The following TSPAN16 variants were observed in gnomAD, a reference collection of about 807,000 sequenced individuals.
The protein encoded by TSPAN16 is tetraspanin 16, also known as tetraspanin-16.
TSPAN16 carries 23 observed loss-of-function variants against 25.2 expected under a neutral mutation model. The observed-to-expected ratio is 0.91, with a 90% CI of 0.66 to 1.29. The LOEUF (loss-of-function observed/expected upper bound fraction) is 1.29. TSPAN16 is among the 50% of genes most tolerant of loss of function. The pLI, the probability that TSPAN16 is intolerant of heterozygous loss-of-function variation, is 0.00. For synonymous variants in TSPAN16, 123 were observed against 124.4 expected (o/e 0.99, Z 0.08); for missense variants, 272 against 299.9 (o/e 0.91, Z 0.69).
At chr19:11,298,830 CT>C in intron 2 of TSPAN16, 41 bp from the exon 3 acceptor site, 1 of 1,585,256 alleles carries the variant, frequency 6.3e-7, no homozygotes, top group East Asian at 2.2e-5. Flanking sequence ...CGGGAGGAGG[CT>C]GAGCAGGCTC....
At chr19:11,299,806 C>G (rs1039805769) in intron 3 of TSPAN16, among the ~76,000 whole-genome samples, 5 of 151,898 alleles carry the variant, frequency 3.3e-5, no homozygotes, top group African/African-American at 1.2e-4. Flanking sequence ...AAAACCCCGT[C>G]TCTATTAAAA....
intron 1 of TSPAN16, among the ~76,000 whole-genome samples, 187 bp downstream of exon 1, chr19:11,296,553 C>G (rs770950851): frequency 6.6e-6 from 1 of 152,142 alleles, no homozygotes; most frequent in Non-Finnish European, 1.5e-5. Flanking sequence ...CAACCGAGAG[C>G]TGGTGAAATC....
At chr19:11,320,339 C>T (rs1405976041), downstream of TSPAN16, among the ~76,000 whole-genome samples, 1 of 151,992 alleles carries the variant, frequency 6.6e-6, no homozygotes, top group Non-Finnish European at 1.5e-5. Flanking sequence ...CCAGGCTGAT[C>T]TCAAACTCCT....
chr19:11,316,147 T>C (rs1167917285), downstream of TSPAN16, among the ~76,000 whole-genome samples: 1 of 144,858 alleles, frequency 6.9e-6, no homozygotes, highest in African/African-American at 2.6e-5. Context: ...TTTGAGAGAG[T>C]CTTGCTGTGT....
chr19:11,312,068 G>T, intron 5 of TSPAN16, 71 bp from the exon 6 acceptor site: 2 of 1,169,654 alleles, frequency 1.7e-6, no homozygotes, highest in East Asian at 2.4e-5. Context: ...CTAATGAGTT[G>T]GGGTTGATGG....
intron 6 of TSPAN16, chr19:11,326,727 C>T (rs769356816): frequency 1.7e-5 from 12 of 687,932 alleles, no homozygotes; most frequent in Non-Finnish European, 2.9e-5. Flanking sequence ...CCTTGGCCCC[C>T]TGAGTAGCTG....
At chr19:11,326,550 C>A (rs544864637) in intron 6 of TSPAN16, among the ~76,000 whole-genome samples, 6 of 152,326 alleles carry the variant, frequency 3.9e-5, no homozygotes, top group African/African-American at 1.4e-4. Flanking sequence ...CAGCTTCCAC[C>A]CAATTTCTGC....
rs549411781 is a variant in TSPAN16, at chr19:11,296,603, G to C, written c.69+237G>C. On this transcript the variant is annotated intron_variant, in intron 1 of 6. Coordinates refer to ENST00000590327, the MANE Select transcript of TSPAN16 (RefSeq NM_001282509.2). ...GTGATCTGGGGGAGCCCAGGTGGGTGATGGAAGAGCTTGGCTCTAAGTCAA... is the reference window on the plus strand; with the variant it reads ...GTGATCTGGGGGAGCCCAGGTGGGTCATGGAAGAGCTTGGCTCTAAGTCAA... 1.1e-3 allele frequency among the ~76,000 whole-genome samples: 163 copies of C among 152,354 alleles called. 2 individuals carry two copies. The highest frequency in any genetic ancestry group is 3.8e-3 in the African/African-American group (159 of 41,586).
Position 11,296,353 on chromosome 19 carries a change from A to G in TSPAN16, c.56A>G (p.Asn19Ser), listed in dbSNP as rs775010319. The change falls in exon 1 of 7, where the codon AAT (asparagine) becomes AGT (serine). Residue 19 changes from asparagine to serine, a missense_variant. Transcript: ENST00000590327. The stretch of plus-strand genomic sequence containing the variant: ...TTGAAGAAACTGTTATCTTTACTCA[A>G]TGGCTTCGTGGCTGTAAGTATGTCA... ...SSLKKLLSLL[N>S]GFVAVSGIIL... 20 of 1,613,958 alleles carry G rather than the reference A, an allele frequency of 1.2e-5. No homozygotes were observed. The highest frequency in any genetic ancestry group is 1.7e-5 in the Admixed American group (1 of 59,972).
chr19:11,326,191 C>T (rs1256153515), intron 6 of TSPAN16, among the ~76,000 whole-genome samples: 3 of 151,448 alleles, frequency 2.0e-5, no homozygotes, highest in Admixed American at 6.6e-5. Flanking sequence ...CACTGTACTC[C>T]AGCCTGGGCA....
intron 4 of TSPAN16, among the ~76,000 whole-genome samples, chr19:11,304,870 C>T (rs144248655): frequency 0.014 from 2,192 of 152,026 alleles, 38 homozygotes; most frequent in African/African-American, 0.049. Context: ...AGGCTGGTCT[C>T]GAACTCCTGG....
At chr19:11,318,001 C>G (rs1276722588), downstream of TSPAN16, among the ~76,000 whole-genome samples, 1 of 151,888 alleles carries the variant, frequency 6.6e-6, no homozygotes, top group Non-Finnish European at 1.5e-5. Context: ...CTACCTAAAC[C>G]TGAACCACAG....
At chr19:11,313,873 T>C (rs931979876) in intron 6 of TSPAN16, among the ~76,000 whole-genome samples, 7 of 152,292 alleles carry the variant, frequency 4.6e-5, no homozygotes, top group African/African-American at 1.7e-4. Context: ...TCCAAGATAA[T>C]TGAAGACATG....
At chr19:11,324,366 C>T (rs1213183302) in intron 6 of TSPAN16, 2 of 152,242 alleles carry the variant, frequency 1.3e-5, no homozygotes, top group Admixed American at 1.3e-4. Context: ...TGAAGGGCCC[C>T]CCTCAAGTCG....
intron 6 of TSPAN16, among the ~76,000 whole-genome samples, chr19:11,321,030 G>A (rs568465492): frequency 4.6e-5 from 7 of 152,112 alleles, no homozygotes; most frequent in African/African-American, 1.7e-4. Flanking sequence ...TTAGCCAGGC[G>A]TAGTGGAGTG....
chr19:11,301,438 G>A, intron 4 of TSPAN16, 130 bp downstream of exon 4: 1 of 602,468 alleles, frequency 1.7e-6, no homozygotes, highest in South Asian at 1.8e-5. Flanking sequence ...TCAGGAGTTT[G>A]AGACCAGCTG....
At chr19:11,299,022 C>T in intron 3 of TSPAN16, 76 bp downstream of exon 3, 2 of 1,436,546 alleles carry the variant, frequency 1.4e-6, no homozygotes, top group Non-Finnish European at 1.9e-6. Context: ...GCTCACGCCT[C>T]TAATCCCAGC....
intron 6 of TSPAN16, chr19:11,325,122 C>G (rs1035316833): frequency 1.1e-5 from 4 of 358,330 alleles, no homozygotes; most frequent in Non-Finnish European, 2.1e-5. Flanking sequence ...CCTCAACACA[C>G]CCTGGAAAGC....
chr19:11,305,956 T>G (rs1293861292), intron 4 of TSPAN16, among the ~76,000 whole-genome samples: 2 of 151,916 alleles, frequency 1.3e-5, no homozygotes, highest in Non-Finnish European at 2.9e-5. Context: ...GGTATCAGGT[T>G]CATAACTGCT....
Sources: gnomAD v4.1 joint callset for allele counts (sites outside exome capture counted in the v4.1 genomes callset) on GRCh38, gnomAD v4.1.1 for gene constraint, MANE v1.5 for transcripts, NCBI Gene and HGNC (gene_info 2026-07-23, HGNC 2026-07-21) for gene names.